The following NCAM2 variants were observed in gnomAD, a reference collection of about 807,000 sequenced individuals.
The protein encoded by NCAM2 is neural cell adhesion molecule 2.
In NCAM2, 30 loss-of-function variants were observed where a neutral mutation model predicts 98.1. The observed-to-expected ratio is 0.31, with a 90% CI of 0.23 to 0.41. The LOEUF (loss-of-function observed/expected upper bound fraction) is 0.41. Among genes scored for constraint, NCAM2 ranks in the 10% least tolerant of loss-of-function variants. The pLI is 1.00. For synonymous variants in NCAM2, 368 were observed against 342.4 expected, an observed-to-expected ratio of 1.07 and a Z score of -0.83; for missense variants, 867 against 1,005.8, an observed-to-expected ratio of 0.86 and a Z score of 1.87.
At chr21:21,135,670 T>C (rs4239834) in intron 1 of NCAM2, among the ~76,000 whole-genome samples, 64,316 of 151,946 alleles carry the variant, frequency 0.42, 14,162 homozygotes, top group African/African-American at 0.55. Flanking sequence ...CTCCACTATT[T>C]CCGTGTCCTA....
chr21:21,219,571 A>G (rs947120771), intron 1 of NCAM2, among the ~76,000 whole-genome samples: 4 of 152,250 alleles, frequency 2.6e-5, no homozygotes, highest in Non-Finnish European at 4.4e-5. Context: ...CTGTGTTGCC[A>G]GTCAATAAAC....
intron 1 of NCAM2, among the ~76,000 whole-genome samples, chr21:21,204,832 C>A (rs1444406228): frequency 1.9e-4 from 29 of 152,220 alleles, no homozygotes; most frequent in Admixed American, 1.8e-3. Context: ...GTGTTATGCA[C>A]AGCAAGGAGC....
intron 8 of NCAM2, among the ~76,000 whole-genome samples, chr21:21,341,311 T>C (rs372206403): frequency 1.8e-4 from 28 of 152,240 alleles, no homozygotes; most frequent in African/African-American, 6.7e-4. Context: ...CTTCTTGAAG[T>C]TGATTTAGTA....
At chr21:21,168,484 G>A (rs542548022) in intron 1 of NCAM2, among the ~76,000 whole-genome samples, 1 of 152,032 alleles carries the variant, frequency 6.6e-6, no homozygotes, top group Non-Finnish European at 1.5e-5. Context: ...CATACAGACT[G>A]GAAAGGAATA....
intron 12 of NCAM2, among the ~76,000 whole-genome samples, chr21:21,457,760 G>A (rs896571019): frequency 1.3e-5 from 2 of 152,122 alleles, no homozygotes; most frequent in African/African-American, 4.8e-5. Context: ...TCTCAACAAA[G>A]TGTTGAAGAA....
intron 12 of NCAM2, among the ~76,000 whole-genome samples, chr21:21,435,711 TAC>T (rs1978306910): frequency 6.6e-6 from 1 of 152,214 alleles, no homozygotes; most frequent in Admixed American, 6.5e-5. Flanking sequence ...CATGTTTCCA[TAC>T]AGTTTCTTAT....
At chr21:21,373,753 TTTTTC>T (rs749236515) in intron 8 of NCAM2, 105 bp from the exon 9 acceptor site, 554 of 1,014,446 alleles carry the variant, frequency 5.5e-4, no homozygotes, top group Non-Finnish European at 7.0e-4. Context: ...AACAGTTTCT[TTTTTC>T]TTTTTGCCAG....
At chr21:21,243,803 T>C (rs987427068) in intron 1 of NCAM2, among the ~76,000 whole-genome samples, 1 of 152,088 alleles carries the variant, frequency 6.6e-6, no homozygotes, top group Non-Finnish European at 1.5e-5. Flanking sequence ...AAAGAATAGA[T>C]AGAGGGTTGT....
chr21:21,394,353 T>C (rs1192892886), intron 9 of NCAM2, among the ~76,000 whole-genome samples: 1 of 151,954 alleles, frequency 6.6e-6, no homozygotes, highest in Non-Finnish European at 1.5e-5. Context: ...ACTCCCTTGG[T>C]AGTTTCCCTC....
chr21:21,301,128 G>T (rs1235578112), intron 5 of NCAM2, among the ~76,000 whole-genome samples: 1 of 151,972 alleles, frequency 6.6e-6, no homozygotes, highest in African/African-American at 2.4e-5. Flanking sequence ...AGAGGCTCTA[G>T]ATATTAGATC....
chr21:21,373,757 T>C lies in NCAM2; in HGVS notation c.1045-106T>C, dbSNP rs1289061666. ...TCTACATCAGGAACAGTTTCTTTTT[T>C]CTTTTTGCCAGAGAAACATGGGAAG... On this transcript the variant is annotated intron_variant, in intron 8 of 17. Coordinates refer to ENST00000400546, the MANE Select transcript of NCAM2 (RefSeq NM_004540.5). The C allele has an allele frequency of 1.3e-5, 13 of 1,035,640 alleles. No homozygotes were observed. In the Admixed American group the frequency reaches 3.8e-4, roughly 30 times the overall value. The allele number at this position is 1,035,640 out of a possible 1,614,324, so 64.2% of individuals were successfully genotyped here.
At chr21:21,040,542 GT>G (rs1362005096) in intron 1 of NCAM2, among the ~76,000 whole-genome samples, 5 of 151,816 alleles carry the variant, frequency 3.3e-5, no homozygotes, top group African/African-American at 9.7e-5. Context: ...AAACCTACAT[GT>G]CCATCAGTAG....
intron 7 of NCAM2, among the ~76,000 whole-genome samples, chr21:21,337,940 T>C (rs1351775627): frequency 3.9e-5 from 6 of 152,066 alleles, no homozygotes; most frequent in Admixed American, 1.3e-4. Context: ...TAAGAGAGAA[T>C]TAAACCAATT....
chr21:21,388,188 T>C (rs1450941546), intron 9 of NCAM2, among the ~76,000 whole-genome samples: 1 of 152,182 alleles, frequency 6.6e-6, no homozygotes, highest in African/African-American at 2.4e-5. Context: ...AAGTGTTTGT[T>C]CACATCACAT....
At chr21:21,087,081 T>C (rs13047326) in intron 1 of NCAM2, among the ~76,000 whole-genome samples, 137,190 of 146,688 alleles carry the variant, frequency 0.94, 63,899 homozygotes, top group East Asian at 0.99. Flanking sequence ...TGTGTGTGCG[T>C]GTGTGTGTGT....
intron 1 of NCAM2, among the ~76,000 whole-genome samples, chr21:21,248,273 G>A (rs982586712): frequency 1.3e-5 from 2 of 151,390 alleles, no homozygotes; most frequent in African/African-American, 4.9e-5. Flanking sequence ...AAAGTAACCC[G>A]AATTATGATT....
intron 1 of NCAM2, among the ~76,000 whole-genome samples, chr21:21,143,679 T>C (rs2146665463): frequency 6.6e-6 from 1 of 152,246 alleles, no homozygotes; most frequent in East Asian, 1.9e-4. Flanking sequence ...ACTGTTCTAC[T>C]ATGCTGTTTT....
intron 1 of NCAM2, among the ~76,000 whole-genome samples, chr21:21,105,429 A>G (rs1452581414): frequency 6.6e-6 from 1 of 152,132 alleles, no homozygotes; most frequent in East Asian, 1.9e-4. Context: ...CATTGATTAG[A>G]GTAGAACAGC....
At chr21:21,446,149 G>T (rs1980103087) in intron 12 of NCAM2, among the ~76,000 whole-genome samples, 1 of 152,110 alleles carries the variant, frequency 6.6e-6, no homozygotes, top group Non-Finnish European at 1.5e-5. Flanking sequence ...TAAGAATGAT[G>T]AATATTGGCC....
Sources: gnomAD v4.1 joint callset for allele counts (sites outside exome capture counted in the v4.1 genomes callset) on GRCh38, gnomAD v4.1.1 for gene constraint, MANE v1.5 for transcripts, NCBI Gene and HGNC (gene_info 2026-07-23, HGNC 2026-07-21) for gene names.